The following STK32C variants were observed in gnomAD, a reference collection of about 807,000 sequenced individuals.
STK32C encodes the protein serine/threonine kinase 32C.
Under a neutral mutation model 56.5 loss-of-function variants are expected in STK32C, and 31 were observed. The observed-to-expected ratio is 0.55, with a 90% CI of 0.41 to 0.74. The LOEUF is 0.74. Ranked by LOEUF, STK32C falls within the 30% of genes least tolerant of loss-of-function variation. STK32C has a pLI of 0.00. For synonymous variants in STK32C, 309 were observed against 289.4 expected, an observed-to-expected ratio of 1.07 and a Z score of -0.69; for missense variants, 544 against 676.9, an observed-to-expected ratio of 0.80 and a Z score of 2.18.
rs558182159 is a variant in STK32C, at chr10:132,269,806, C to T, written c.263-23851G>A. Among the ~76,000 whole-genome samples the T allele has an allele frequency of 1.2e-4, 19 of 152,314 alleles. No individual in the cohort carries two copies. In the East Asian group the frequency reaches 3.7e-3, roughly 29 times the overall value. ...GCTGACTCCAGCGGCACAGTGGGGG[C>T]AGTTCTCCCAAGCCTGAGAGGTTGG... On this transcript the variant is annotated intron_variant, in intron 1 of 11. Coordinates refer to ENST00000298630, the MANE Select transcript of STK32C (RefSeq NM_173575.4).
At chr10:132,245,820 G>C (rs772372788) in intron 2 of STK32C, 80 bp downstream of exon 2, 4 of 1,414,750 alleles carry the variant, frequency 2.8e-6, no homozygotes, top group Non-Finnish European at 3.9e-6. Flanking sequence ...GGAGTAGGTG[G>C]GCTCAGGGGA....
chr10:132,222,948 G>A lies in STK32C; in HGVS notation c.1032C>T (p.Leu344=). The change falls in exon 9 of 12, where the codon CTC becomes CTT. Residue 344 remains leucine, a synonymous_variant. Coordinates refer to ENST00000298630, the MANE Select transcript of STK32C (RefSeq NM_173575.4). ...GCGCCGGGGCTGCCTGCACGTCCTG[G>A]AGGCTGGAGAGCCGGTGCTCGGGGT... ...TVNPEHRLSS[L]QDVQAAPALA... is the part of the protein sequence containing the mutation. 1.9e-6 allele frequency: 3 copies of A among 1,553,158 alleles called. No individual in the cohort carries two copies. Among genetic ancestry groups the A allele is most frequent in the Non-Finnish European group, 2.6e-6 (3 of 1,152,580 alleles).
chr10:132,248,802 C>T (rs970353443), intron 1 of STK32C, among the ~76,000 whole-genome samples: 1 of 152,106 alleles, frequency 6.6e-6, no homozygotes, highest in Admixed American at 6.5e-5. Flanking sequence ...TGGCGGCCTC[C>T]CCCAGGACCC....
intron 11 of STK32C, 36 bp from the exon 12 acceptor site, chr10:132,208,187 C>G: frequency 7.7e-7 from 1 of 1,303,804 alleles, no homozygotes; most frequent in Non-Finnish European, 9.8e-7. Context: ...GCGTTATGCC[C>G]CCACCTCCCT....
chr10:132,330,669 AGC>A (rs1251238353), intron 1 of STK32C, among the ~76,000 whole-genome samples: 1 of 111,816 alleles, frequency 8.9e-6, no homozygotes, highest in Non-Finnish European at 1.8e-5. Context: ...CACCACACCC[AGC>A]ATTTTTTTTT....
intron 1 of STK32C, among the ~76,000 whole-genome samples, chr10:132,246,492 G>A (rs999404254): frequency 3.9e-5 from 6 of 152,208 alleles, no homozygotes; most frequent in Non-Finnish European, 7.4e-5. Context: ...GATGAACAAC[G>A]AGAGGCGGCT....
At chr10:132,320,520 G>T (rs1480869208), downstream of STK32C, among the ~76,000 whole-genome samples, 2 of 152,136 alleles carry the variant, frequency 1.3e-5, no homozygotes, top group Non-Finnish European at 2.9e-5. Context: ...ATGGAAGTGA[G>T]GTCCCACCCC....
In STK32C at chr10:132,235,884, G is replaced by A. The variant is rs369909317; in HGVS notation, c.319-7756C>T. 2.6e-4 allele frequency among the ~76,000 whole-genome samples: 38 copies of A among 147,320 alleles called. No homozygotes were observed. In the South Asian group the frequency reaches 7.6e-3, roughly 29 times the overall value. The stretch of plus-strand genomic sequence containing the variant: ...GGAAAAATACCGTGGCGGTGGCTAC[G>A]AAGAGAGTCCTCATCTTTAAAGATA... On this transcript the variant is annotated intron_variant, in intron 2 of 11. Transcript: ENST00000298630.
Position 132,249,102 on chromosome 10 carries a change from G to A in STK32C, c.263-3147C>T, listed in dbSNP as rs372805964. 879 of 473,080 alleles carry A rather than the reference G, an allele frequency of 1.9e-3. 1 individual carries two copies. The highest frequency in any genetic ancestry group is 3.0e-3 in the Non-Finnish European group (712 of 236,032). 29.3% of individuals were successfully genotyped at this position (473,080 alleles called of 1,614,324 possible). A position where few individuals can be genotyped will look rare whatever the true frequency, so the allele number is the denominator to read the frequency against. ...GCTCCCAGCTGGGAGGCAGCAGCAA[G>A]GCGCATGCGTGCCGGGGCGGGGCTG... On this transcript the variant is annotated intron_variant, in intron 1 of 11. Coordinates refer to ENST00000298630, the MANE Select transcript of STK32C (RefSeq NM_173575.4).
At chr10:132,246,001 C>T (rs769754622) in intron 1 of STK32C, 46 bp from the exon 2 acceptor site, 1 of 1,587,586 alleles carries the variant, frequency 6.3e-7, no homozygotes, top group Non-Finnish European at 8.6e-7. Context: ...GCAGCAAGGC[C>T]CCACCCCAGA....
chr10:132,231,863 G>T (rs1021973500), intron 2 of STK32C, among the ~76,000 whole-genome samples: 3 of 152,198 alleles, frequency 2.0e-5, no homozygotes, highest in Non-Finnish European at 4.4e-5. Context: ...GCCACCAGAC[G>T]CCGGGAGAAG....
At chr10:132,210,533 C>T (rs2137562310) in intron 10 of STK32C, among the ~76,000 whole-genome samples, 1 of 152,348 alleles carries the variant, frequency 6.6e-6, no homozygotes, top group East Asian at 1.9e-4. Context: ...CAGGCGTGAG[C>T]CACCATGCCT....
At chr10:132,331,320 G>C (rs1408442584) in intron 1 of STK32C, 1 of 1,031,092 alleles carries the variant, frequency 9.7e-7, no homozygotes, top group Non-Finnish European at 1.4e-6. Context: ...GTTGGATCCT[G>C]GAATGAAGGT....
At chr10:132,242,855 C>A (rs968123456) in intron 2 of STK32C, among the ~76,000 whole-genome samples, 2 of 152,190 alleles carry the variant, frequency 1.3e-5, no homozygotes, top group Non-Finnish European at 1.5e-5. Context: ...AGAGGGGCGG[C>A]TCCTCCATGG....
intron 1 of STK32C, among the ~76,000 whole-genome samples, chr10:132,290,402 C>T (rs73383267): frequency 0.028 from 4,279 of 152,302 alleles, 206 homozygotes; most frequent in African/African-American, 0.097. Context: ...ATAACCCGGC[C>T]CCTGCCCACA....
chr10:132,256,936 G>A (rs1204013523), intron 1 of STK32C, among the ~76,000 whole-genome samples: 1 of 152,314 alleles, frequency 6.6e-6, no homozygotes, highest in East Asian at 1.9e-4. Context: ...CAGTGGGGGG[G>A]ACGCTGGCCA....
intron 1 of STK32C, among the ~76,000 whole-genome samples, chr10:132,286,870 C>T (rs933981684): frequency 2.6e-5 from 4 of 152,196 alleles, no homozygotes; most frequent in African/African-American, 4.8e-5. Flanking sequence ...CTCACTTCTA[C>T]TCATTGTGCT....
chr10:132,239,152 C>T (rs1181319033), intron 2 of STK32C, among the ~76,000 whole-genome samples: 1 of 152,230 alleles, frequency 6.6e-6, no homozygotes, highest in Non-Finnish European at 1.5e-5. Flanking sequence ...GGCTGGAACC[C>T]TCAGGATGCT....
chr10:132,303,608 C>G (rs1013462353), intron 1 of STK32C, among the ~76,000 whole-genome samples: 1 of 152,168 alleles, frequency 6.6e-6, no homozygotes, highest in African/African-American at 2.4e-5. Context: ...CAAGCGCGGG[C>G]AGGCAATTCA....
Sources: gnomAD v4.1 joint callset for allele counts (sites outside exome capture counted in the v4.1 genomes callset) on GRCh38, gnomAD v4.1.1 for gene constraint, MANE v1.5 for transcripts, NCBI Gene and HGNC (gene_info 2026-07-23, HGNC 2026-07-21) for gene names.